AMER1: variants seen among roughly 807,000 people sequenced by gnomAD.
AMER1 encodes the protein APC membrane recruitment protein 1.
A neutral mutation model predicts 53.0 loss-of-function variants in AMER1; 16 were observed. That is an observed-to-expected ratio of 0.30 (90% CI 0.20 to 0.46). The LOEUF (loss-of-function observed/expected upper bound fraction) is 0.46, where lower values mean the gene tolerates loss of function less well. AMER1 is among the 20% of genes least tolerant of loss of function. The pLI is 1.00. For synonymous variants in AMER1, 354 were observed against 331.9 expected, an observed-to-expected ratio of 1.07 and a Z score of -0.73; for missense variants, 947 against 884.9, an observed-to-expected ratio of 1.07 and a Z score of -0.89.
In AMER1 at chrX:64,191,492, A is replaced by G. The variant is rs1569191866; in HGVS notation, c.1795T>C (p.Tyr599His). Residue 599 changes from tyrosine to histidine, a missense_variant, in exon 2 of 2, where the codon TAT becomes CAT. By Grantham distance (83) the Tyr-to-His change is moderately conservative (BLOSUM62 2). Transcript: ENST00000374869. ...TCCCTGCCATAAGCCTCTCGAGTAT[A>G]GGCCTCCCTGGCGTGGGCCTCCCTG... ...HAREAHAREA[Y>H]TREAYGREAY... 1.7e-6 allele frequency: 2 copies of G among 1,211,305 alleles called. No homozygotes were observed. Among genetic ancestry groups the G allele is most frequent in the Admixed American group, 4.3e-5 (2 of 46,048 alleles).
In AMER1 at chrX:64,187,329, G is replaced by A; in HGVS notation, c.*2550C>T. ...TCAGGTGGTAAGGATCCTATTCCTGGGCTGGCTAGGGCAGTGAAGGGACTT... is the reference window on the plus strand; with the variant it reads ...TCAGGTGGTAAGGATCCTATTCCTGAGCTGGCTAGGGCAGTGAAGGGACTT... On this transcript the variant is annotated 3_prime_UTR_variant, in exon 2 of 2. Transcript: ENST00000374869. 1 of 791,581 alleles carries A rather than the reference G, an allele frequency of 1.3e-6. No homozygotes were observed. The highest frequency in any genetic ancestry group is 1.5e-6 in the Non-Finnish European group (1 of 661,662). The allele number at this position is 791,581 out of a possible 1,213,427, so 65.2% of individuals were successfully genotyped here. A position where few individuals can be genotyped will look rare whatever the true frequency, so the allele number is the denominator to read the frequency against.
rs2147086229 is a variant in AMER1, at chrX:64,190,908, G to A, written c.2379C>T (p.Asp793=). 2 of 1,211,318 alleles carry A rather than the reference G, an allele frequency of 1.7e-6. No homozygotes were observed. The highest frequency in any genetic ancestry group is 1.8e-5 in the South Asian group (1 of 56,751). ...FSSMSCSSDS[D]SSFTQNLPEL... ...CAGGGAGGTTTTGAGTGAAAGATGA[G>A]TCAGAGTCAGAGCTGCAGGACATGC... The change falls in exon 2 of 2, where the codon GAC becomes GAT. Residue 793 remains aspartate (D), a synonymous_variant. Transcript: ENST00000374869.
chrX:64,189,793 A>ACCGGCCCCCCCCC lies in AMER1; in HGVS notation c.*85_*86insGGGGGGGGGCCGG. 6.8e-6 allele frequency: 2 copies of ACCGGCCCCCCCCC among 292,074 alleles called. No individual in the cohort carries two copies. Among genetic ancestry groups the ACCGGCCCCCCCCC allele is most frequent in the Non-Finnish European group, 9.8e-6 (2 of 204,832 alleles). The allele number at this position is 292,074 out of a possible 1,213,427, so 24.1% of individuals were successfully genotyped here. On this transcript the variant is annotated 3_prime_UTR_variant, in exon 2 of 2. Coordinates refer to ENST00000374869, the MANE Select transcript of AMER1 (RefSeq NM_152424.4). ...CAAAGGGTTTTCAAGTTAAACAACA[A>ACCGGCCCCCCCCC]CCCCCACCCCCCCACCCTTCTGCCC...
In AMER1 at chrX:64,190,898, T is replaced by G. The variant is rs2147086213; in HGVS notation, c.2389A>C (p.Thr797Pro). The G allele has an allele frequency of 8.3e-7, 1 of 1,211,218 alleles. No individual in the cohort carries two copies. The highest frequency in any genetic ancestry group is 1.1e-6 in the Non-Finnish European group (1 of 895,342). Residue 797 changes from threonine to proline, a missense_variant, in exon 2 of 2, where the codon ACT becomes CCT. By Grantham distance (38) the Thr-to-Pro change is conservative. Transcript: ENST00000374869. Reference protein sequence around the residue: ...SCSSDSDSSFTQNLPELPPMV... With the variant: ...SCSSDSDSSFPQNLPELPPMV... ...GGAGGCAGCTCAGGGAGGTTTTGAG[T>G]GAAAGATGAGTCAGAGTCAGAGCTG...
rs2147084018 is a variant in AMER1 at position 64,189,972 on chromosome X, G to A, written c.3315C>T (p.Ser1105=). 1.7e-6 allele frequency: 2 copies of A among 1,207,429 alleles called. No homozygotes were observed. Among genetic ancestry groups the A allele is most frequent in the South Asian group, 1.8e-5 (1 of 56,052 alleles). ...CCCTCTCCTTTGACAGGTCAAGGCT[G>A]GAAGGCCCATAGTGAGTGGGCTGAG... is the stretch of plus-strand genomic sequence containing the variant. The part of the protein sequence containing the change: ...PQPQPTHYGP[S]SLDLSKERAE... The change falls in exon 2 of 2, where the codon TCC becomes TCT. Residue 1105 remains serine, a synonymous_variant. Coordinates refer to ENST00000374869, the MANE Select transcript of AMER1 (RefSeq NM_152424.4).
Position 64,189,616 on chromosome X carries a change from G to A in AMER1, c.*263C>T. On this transcript the variant is annotated 3_prime_UTR_variant, in exon 2 of 2. Transcript: ENST00000374869. ...ATTACAGCATCCCAAACCCAGCGTGGGTCACAAGAAGAAACCTCGAAAGCA... is the reference window on the plus strand; with the variant it reads ...ATTACAGCATCCCAAACCCAGCGTGAGTCACAAGAAGAAACCTCGAAAGCA... 1.1e-6 allele frequency: 1 copy of A among 930,113 alleles called. No individual in the cohort carries two copies. The highest frequency in any genetic ancestry group is 4.3e-5 in the South Asian group (1 of 23,292). 76.7% of individuals were successfully genotyped at this position (930,113 alleles called of 1,213,427 possible).
At position 64,190,081 on chromosome X, in the gene AMER1, G is replaced by C. The variant is rs2147084287; in HGVS notation, c.3206C>G (p.Pro1069Arg). Residue 1069 changes from proline to arginine, a missense_variant, in exon 2 of 2, where the codon CCC becomes CGC. Coordinates refer to ENST00000374869, the MANE Select transcript of AMER1 (RefSeq NM_152424.4). ...SCSSSSGGFS[P>R]SPLPQAKPVG... ...AGGCTTGGCCTGTGGTAGAGGGCTG[G>C]GGCTGAAGCCTCCAGAACTGGAAGA... 1 of 1,205,121 alleles carries C rather than the reference G, an allele frequency of 8.3e-7. No individual in the cohort carries two copies. The highest frequency in any genetic ancestry group is 1.1e-6 in the Non-Finnish European group (1 of 891,833).
chrX:64,204,955 GCTC>G (rs1930567113), intron 1 of AMER1, among the ~76,000 whole-genome samples: 1 of 113,339 alleles, frequency 8.8e-6, no homozygotes, highest in Non-Finnish European at 1.9e-5. Flanking sequence ...GTGCGACTGA[GCTC>G]AGCCCACAGG....
chrX:64,188,271 A>G lies in AMER1; in HGVS notation c.*1608T>C. The G allele has an allele frequency of 2.5e-6, 2 of 802,999 alleles. No individual in the cohort carries two copies. 66.2% of individuals were successfully genotyped at this position (802,999 alleles called of 1,213,427 possible). ...ATCATAATTTGAGTGAACACAGCCA[A>G]GCAAAAAATGTTCCATATGCCATTT... On this transcript the variant is annotated 3_prime_UTR_variant, in exon 2 of 2. Coordinates refer to ENST00000374869, the MANE Select transcript of AMER1 (RefSeq NM_152424.4).
At position 64,191,405 on chromosome X, in the gene AMER1, C is replaced by A. The variant is rs1313722059; in HGVS notation, c.1882G>T (p.Ala628Ser). The A allele has an allele frequency of 9.9e-6, 12 of 1,210,279 alleles. No individual in the cohort carries two copies. Among genetic ancestry groups the A allele is most frequent in the Non-Finnish European group, 1.3e-5 (12 of 895,167 alleles). Residue 628 changes from alanine to serine, a missense_variant, in exon 2 of 2, where the codon GCC becomes TCC. By Grantham distance (99) the Ala-to-Ser change is moderately conservative (BLOSUM62 1). Transcript: ENST00000374869. ...CTACAACGAACCTCTCGGGCCTGGG[C>A]TTCTCGGGTTCTGGCCTCCCTGCCA... ...AHGREARTRE[A>S]QAREVRCRET...
At chrX:64,202,889 C>T (rs1259365979) in intron 1 of AMER1, among the ~76,000 whole-genome samples, 2 of 111,943 alleles carry the variant, frequency 1.8e-5, no homozygotes, top group Non-Finnish European at 3.8e-5. Flanking sequence ...ATCAGATTTC[C>T]ATTCCACAGC....
At position 64,191,856 on chromosome X, in the gene AMER1, A is replaced by C; in HGVS notation, c.1431T>G (p.Pro477=). ...CCTCACCTGAATCATCCTCAAATCC[A>C]GGTGTGGTGGAGTCATAATAACCTT... ...SDEGYYDSTT[P]GFEDDSGEAL... The change falls in exon 2 of 2, where the codon CCT becomes CCG. Residue 477 remains proline, a synonymous_variant. Transcript: ENST00000374869. The C allele has an allele frequency of 8.3e-7, 1 of 1,211,331 alleles. No homozygotes were observed. The highest frequency in any genetic ancestry group is 3.0e-5 in the East Asian group (1 of 33,793).
chrX:64,189,793 A>ACGGC lies in AMER1; in HGVS notation c.*85_*86insGCCG. On this transcript the variant is annotated 3_prime_UTR_variant, in exon 2 of 2. Transcript: ENST00000374869. ...CAAAGGGTTTTCAAGTTAAACAACA[A>ACGGC]CCCCCACCCCCCCACCCTTCTGCCC... 3.4e-6 allele frequency: 1 copy of ACGGC among 292,074 alleles called. No individual in the cohort carries two copies. The highest frequency in any genetic ancestry group is 4.9e-6 in the Non-Finnish European group (1 of 204,832). 24.1% of individuals were successfully genotyped at this position (292,074 alleles called of 1,213,427 possible).
chrX:64,196,972 C>T (rs930223775), intron 1 of AMER1, among the ~76,000 whole-genome samples: 2 of 112,515 alleles, frequency 1.8e-5, no homozygotes, highest in African/African-American at 3.2e-5. Context: ...TGCTATCCAA[C>T]CAGGTGCCAA....
rs1203835689 is a variant in AMER1, at chrX:64,187,387, T to G, written c.*2492A>C. 1.3e-6 allele frequency: 1 copy of G among 792,528 alleles called. No individual in the cohort carries two copies. Among genetic ancestry groups the G allele is most frequent in the Non-Finnish European group, 1.5e-6 (1 of 662,962 alleles). 65.3% of individuals were successfully genotyped at this position (792,528 alleles called of 1,213,427 possible). On this transcript the variant is annotated 3_prime_UTR_variant, in exon 2 of 2. Coordinates refer to ENST00000374869, the MANE Select transcript of AMER1 (RefSeq NM_152424.4). ...GCAAGGCTGTCCAAACCATGAACTC[T>G]CACTCAGCCCCAGGCCCTACTCTGT...
chrX:64,193,194 G>T lies in AMER1; in HGVS notation c.93C>A (p.Asn31Lys), dbSNP rs200635128. Reference protein sequence around the residue: ...REQTAEKGAKNKAAEATEGPT... With the variant: ...REQTAEKGAKKKAAEATEGPT... ...GTCCTTCTGTCGCCTCAGCTGCCTT[G>T]TTCTTGGCTCCTTTTTCTGCTGTTT... is the stretch of plus-strand genomic sequence containing the variant. The change falls in exon 2 of 2, where the codon AAC (asparagine) becomes AAA (lysine). Residue 31 changes from asparagine to lysine, a missense_variant. By Grantham distance (94) the Asn-to-Lys change is moderately conservative. Transcript: ENST00000374869. 1 of 1,210,400 alleles carries T rather than the reference G, an allele frequency of 8.3e-7. No homozygotes were observed. Among genetic ancestry groups the T allele is most frequent in the East Asian group, 3.0e-5 (1 of 33,754 alleles).
chrX:64,201,448 A>AAC (rs532857666), intron 1 of AMER1, among the ~76,000 whole-genome samples: 3,497 of 83,030 alleles, frequency 0.042, 84 homozygotes, highest in East Asian at 0.14. Flanking sequence ...TCCTTCCCCC[A>AAC]ACACACACAC....
At position 64,186,226 on chromosome X, in the gene AMER1, T is replaced by C. The variant is rs1232716377; in HGVS notation, c.*3653A>G. ...AACGGACAGTGTGGTACAGCTAAGG[T>C]AGGGAGAGGGGAAAGAGGGAGGGCC... On this transcript the variant is annotated 3_prime_UTR_variant, in exon 2 of 2. Transcript: ENST00000374869. 2.5e-6 allele frequency: 3 copies of C among 1,178,458 alleles called. No homozygotes were observed. The highest frequency in any genetic ancestry group is 1.8e-5 in the African/African-American group (1 of 56,005).
At chrX:64,202,638 A>C (rs1241703770) in intron 1 of AMER1, among the ~76,000 whole-genome samples, 1 of 111,312 alleles carries the variant, frequency 9.0e-6, no homozygotes, top group Non-Finnish European at 1.9e-5. Flanking sequence ...TTTCCCCTGC[A>C]ATGCCAAAGG....
Sources: gnomAD v4.1 joint callset for allele counts (sites outside exome capture counted in the v4.1 genomes callset) on GRCh38, gnomAD v4.1.1 for gene constraint, MANE v1.5 for transcripts, NCBI Gene and HGNC (gene_info 2026-07-23, HGNC 2026-07-21) for gene names.